IL1R1: variants seen among roughly 807,000 people sequenced by gnomAD.
IL1R1 encodes interleukin 1 receptor type 1, also known as interleukin-1 receptor type 1.
A neutral mutation model predicts 50.2 loss-of-function variants in IL1R1; 22 were observed. The ratio of observed to expected loss-of-function variants is 0.44; its 90% CI spans 0.31 to 0.63. The LOEUF (loss-of-function observed/expected upper bound fraction) is 0.63, where lower values mean the gene tolerates loss of function less well. Ranked by LOEUF, IL1R1 falls within the 20% of genes least tolerant of loss-of-function variation. The pLI is 0.07. For missense variants in IL1R1, 509 were observed against 676.2 expected (o/e 0.75, Z 2.74); for synonymous variants, 251 against 236.7 (o/e 1.06, Z -0.55).
chr2:102,123,978 A>G (rs1440190146), intron 1 of IL1R1, among the ~76,000 whole-genome samples: 1 of 152,002 alleles, frequency 6.6e-6, no homozygotes, highest in Non-Finnish European at 1.5e-5. Context: ...GGGAAGAGGG[A>G]AAGAGAAAGG....
At chr2:102,162,360 C>T (rs1169087870) in intron 3 of IL1R1, among the ~76,000 whole-genome samples, 1 of 152,126 alleles carries the variant, frequency 6.6e-6, no homozygotes, top group African/African-American at 2.4e-5. Flanking sequence ...ATCATTTCCG[C>T]CTTTCAATGA....
chr2:102,136,049 CTT>C (rs1682322478), intron 1 of IL1R1, among the ~76,000 whole-genome samples: 1 of 152,136 alleles, frequency 6.6e-6, no homozygotes, highest in Non-Finnish European at 1.5e-5. Flanking sequence ...GGTCCTAAGT[CTT>C]TCATGCCATT....
At chr2:102,122,194 A>T (rs1681443355) in intron 1 of IL1R1, among the ~76,000 whole-genome samples, 1 of 152,230 alleles carries the variant, frequency 6.6e-6, no homozygotes, top group Admixed American at 6.5e-5. Context: ...AGAAGAAAAC[A>T]TACTGGTCAG....
chr2:102,088,385 C>A (rs1679516522), intron 1 of IL1R1, among the ~76,000 whole-genome samples: 1 of 152,160 alleles, frequency 6.6e-6, no homozygotes, highest in African/African-American at 2.4e-5. Flanking sequence ...ATGACCAGTT[C>A]CCTTGCCAAT....
intron 6 of IL1R1, among the ~76,000 whole-genome samples, chr2:102,167,825 A>G (rs1053691183): frequency 1.3e-5 from 2 of 152,116 alleles, no homozygotes; most frequent in African/African-American, 4.8e-5. Flanking sequence ...ACTCGGAGTG[A>G]GGTAATATTT....
chr2:102,165,294 A>T lies in IL1R1; in HGVS notation c.476A>T (p.Gln159Leu). Residue 159 changes from glutamine (Q) to leucine (L), a missense_variant, in exon 5 of 12, where the codon CAG (glutamine) becomes CTG (leucine). By Grantham distance (113) the Gln-to-Leu change is moderately radical. Transcript: ENST00000410023. The stretch of plus-strand genomic sequence containing the variant: ...GAAAATAATGAGTTACCTAAATTAC[A>T]GTGGTATAAGGTAATTTTATTTTAA... ...KNENNELPKL[Q>L]WYKDCKPLLL... is the part of the protein sequence containing the mutation. The T allele has an allele frequency of 6.5e-7, 1 of 1,528,266 alleles. No homozygotes were observed. Among genetic ancestry groups the T allele is most frequent in the Non-Finnish European group, 8.9e-7 (1 of 1,126,882 alleles). The allele number at this position is 1,528,266 out of a possible 1,614,324, so 94.7% of individuals were successfully genotyped here.
intron 1 of IL1R1, among the ~76,000 whole-genome samples, chr2:102,113,913 G>T (rs1680918947): frequency 6.6e-6 from 1 of 152,194 alleles, no homozygotes; most frequent in Admixed American, 6.5e-5. Context: ...GCGGCAGATC[G>T]ATAACAGAGT....
intron 1 of IL1R1, among the ~76,000 whole-genome samples, chr2:102,116,198 G>A (rs1227384663): frequency 1.3e-5 from 2 of 152,182 alleles, no homozygotes; most frequent in African/African-American, 4.8e-5. Context: ...CATTTCTCTA[G>A]CTTCTAACAC....
chr2:102,076,615 C>T (rs899141169), intron 1 of IL1R1, among the ~76,000 whole-genome samples: 1 of 152,210 alleles, frequency 6.6e-6, no homozygotes, highest in African/African-American at 2.4e-5. Context: ...TTTCTTTTAG[C>T]CCTTTAAAGA....
Position 102,172,748 on chromosome 2 carries a change from A to G in IL1R1, c.901A>G (p.Ile301Val). 6.2e-7 allele frequency: 1 copy of G among 1,613,048 alleles called. No homozygotes were observed. The highest frequency in any genetic ancestry group is 1.1e-5 in the South Asian group (1 of 91,020). ...TLITVLNISEIESRFYKHPFT... is the reference protein window; with the variant it reads ...TLITVLNISEVESRFYKHPFT... ...CATCACAGTGCTTAATATATCGGAA[A>G]TTGAAAGTAGATTTTATAAACATCC... The change falls in exon 9 of 12, where the codon ATT (isoleucine) becomes GTT (valine). Residue 301 changes from isoleucine (I) to valine (V), a missense_variant. Coordinates refer to ENST00000410023, the MANE Select transcript of IL1R1 (RefSeq NM_000877.4).
At chr2:102,077,527 C>T (rs746987876) in intron 1 of IL1R1, among the ~76,000 whole-genome samples, 10 of 152,202 alleles carry the variant, frequency 6.6e-5, no homozygotes, top group South Asian at 2.1e-4. Context: ...GATCTTTCCT[C>T]TAGCATCTTG....
chr2:102,164,411 A>G (rs1418267542), intron 3 of IL1R1, among the ~76,000 whole-genome samples: 3 of 151,920 alleles, frequency 2.0e-5, no homozygotes, highest in Middle Eastern at 3.4e-3. Context: ...CTGTTGTTTC[A>G]TATATTTTGT....
chr2:102,097,920 T>C (rs2104329227), intron 1 of IL1R1, among the ~76,000 whole-genome samples: 1 of 152,150 alleles, frequency 6.6e-6, no homozygotes, highest in African/African-American at 2.4e-5. Flanking sequence ...TCTAATATAT[T>C]ATATGAAGCT....
At chr2:102,120,326 G>T (rs144957658) in intron 1 of IL1R1, among the ~76,000 whole-genome samples, 2 of 152,182 alleles carry the variant, frequency 1.3e-5, no homozygotes, top group East Asian at 3.9e-4. Flanking sequence ...GTGAATGTAC[G>T]TGTTTGTTGT....
At chr2:102,134,702 G>C (rs1368018216) in intron 1 of IL1R1, among the ~76,000 whole-genome samples, 2 of 152,158 alleles carry the variant, frequency 1.3e-5, no homozygotes, top group Non-Finnish European at 2.9e-5. Flanking sequence ...CAAGAAGATA[G>C]CAGAGAAAAC....
chr2:102,111,111 G>A (rs1030076907), intron 1 of IL1R1, among the ~76,000 whole-genome samples: 2 of 152,170 alleles, frequency 1.3e-5, no homozygotes, highest in African/African-American at 4.8e-5. Flanking sequence ...CAGAGGCAGA[G>A]GCCAGAGCAT....
chr2:102,162,708 C>A (rs1684838790), intron 3 of IL1R1, among the ~76,000 whole-genome samples: 1 of 151,952 alleles, frequency 6.6e-6, no homozygotes, highest in South Asian at 2.1e-4. Flanking sequence ...CTTTCTTGAA[C>A]TTTGCCCTAT....
At chr2:102,120,109 G>A (rs368900710) in intron 1 of IL1R1, among the ~76,000 whole-genome samples, 3 of 152,042 alleles carry the variant, frequency 2.0e-5, no homozygotes, top group East Asian at 3.9e-4. Flanking sequence ...TGCTTATTTG[G>A]CCAGATCGGA....
At chr2:102,176,220 C>T (rs569906944) in intron 11 of IL1R1, 133 bp from the exon 12 acceptor site, 1 of 699,820 alleles carries the variant, frequency 1.4e-6, no homozygotes, top group Non-Finnish European at 2.3e-6. Flanking sequence ...TGGGAAACTC[C>T]TTTAATTTTA....
Sources: allele counts gnomAD v4.1 joint callset (sites outside exome capture counted in the v4.1 genomes callset), GRCh38; gene constraint gnomAD v4.1.1; transcripts MANE v1.5; gene names NCBI Gene and HGNC (gene_info 2026-07-23, HGNC 2026-07-21).